Variants in ZFPM2 observed in about 807,000 individuals in gnomAD.
ZFPM2 encodes zinc finger protein ZFPM2.
ZFPM2 carries 20 observed loss-of-function variants against 98.6 expected under a neutral mutation model. The ratio of observed to expected loss-of-function variants is 0.20; its 90% CI spans 0.14 to 0.29. The LOEUF is 0.29. Among genes scored for constraint, ZFPM2 ranks in the 10% least tolerant of loss-of-function variants. The probability of loss-of-function intolerance (pLI) is 1.00; values close to 1 mark genes in which losing one functional copy is unlikely to be tolerated. For missense variants in ZFPM2, 1,310 were observed against 1,388.6 expected (o/e 0.94, Z 0.90); for synonymous variants, 518 against 502.7 (o/e 1.03, Z -0.41).
chr8:105,803,319 C>G lies in ZFPM2; in HGVS notation c.3237C>G (p.Ile1079Met), dbSNP rs757703965. 2 of 1,598,590 alleles carry G rather than the reference C, an allele frequency of 1.3e-6. No individual in the cohort carries two copies. The highest frequency in any genetic ancestry group is 1.7e-6 in the Non-Finnish European group (2 of 1,171,876). ...ACGACCACAAATCTCCCTCGTGGATCTCTGAGAACCCATTAGCTGCCAATG... is the reference window on the plus strand; with the variant it reads ...ACGACCACAAATCTCCCTCGTGGATGTCTGAGAACCCATTAGCTGCCAATG... Reference protein sequence around the residue: ...HEDDHKSPSWISENPLAANEN... With the variant: ...HEDDHKSPSWMSENPLAANEN... The change falls in exon 8 of 8, where the codon ATC becomes ATG. Residue 1079 changes from isoleucine to methionine, a missense_variant. Physicochemically the swap from Ile to Met is conservative, Grantham distance 10 (BLOSUM62 1). Coordinates refer to ENST00000407775, the MANE Select transcript of ZFPM2 (RefSeq NM_012082.4).
intron 4 of ZFPM2, among the ~76,000 whole-genome samples, chr8:105,617,530 G>A (rs1280437246): frequency 1.3e-5 from 2 of 152,184 alleles, no homozygotes; most frequent in Non-Finnish European, 2.9e-5. Context: ...AGGTTCTGAG[G>A]AGTGGGATAG....
intron 3 of ZFPM2, among the ~76,000 whole-genome samples, chr8:105,538,528 T>A (rs536278771): frequency 4.4e-4 from 67 of 152,288 alleles, no homozygotes; most frequent in African/African-American, 1.6e-3. Flanking sequence ...TTTAATATTA[T>A]ATTTAAATTG....
intron 5 of ZFPM2, among the ~76,000 whole-genome samples, chr8:105,666,956 C>T (rs1254124474): frequency 6.6e-6 from 1 of 152,144 alleles, no homozygotes; most frequent in Admixed American, 6.5e-5. Context: ...ACTTTTGTTT[C>T]ATATTAAAGC....
At chr8:105,625,828 C>G (rs1461916384) in intron 4 of ZFPM2, among the ~76,000 whole-genome samples, 1 of 151,970 alleles carries the variant, frequency 6.6e-6, no homozygotes, top group Non-Finnish European at 1.5e-5. Flanking sequence ...GGCGATCCAC[C>G]AACCTCAGTC....
intron 5 of ZFPM2, among the ~76,000 whole-genome samples, chr8:105,713,356 A>C (rs1380808204): frequency 2.0e-5 from 3 of 151,884 alleles, no homozygotes; most frequent in Non-Finnish European, 4.4e-5. Flanking sequence ...TCCTTTGCCC[A>C]CTTTTTAATA....
intron 4 of ZFPM2, among the ~76,000 whole-genome samples, chr8:105,587,997 A>G (rs1225194976): frequency 6.6e-6 from 1 of 152,198 alleles, no homozygotes; most frequent in Non-Finnish European, 1.5e-5. Flanking sequence ...ACACGAGCCC[A>G]CCACAGGGAA....
At chr8:105,678,604 C>G (rs562155029) in intron 5 of ZFPM2, 1 of 152,228 alleles carries the variant, frequency 6.6e-6, no homozygotes, top group South Asian at 2.1e-4. Context: ...GTCAGATAAG[C>G]TGCTGTGTAC....
chr8:105,531,602 G>T (rs1246283133), intron 3 of ZFPM2, among the ~76,000 whole-genome samples: 11 of 152,120 alleles, frequency 7.2e-5, no homozygotes, highest in Non-Finnish European at 1.5e-4. Context: ...GGTATTGAGA[G>T]TTAGGATTTC....
chr8:105,757,126 T>C (rs566318091), intron 5 of ZFPM2, among the ~76,000 whole-genome samples: 2 of 152,286 alleles, frequency 1.3e-5, no homozygotes, highest in Admixed American at 6.5e-5. Context: ...TGGGGAAATA[T>C]AGTCCAACCA....
At chr8:105,680,890 G>GA (rs535527838) in intron 5 of ZFPM2, among the ~76,000 whole-genome samples, 3 of 151,488 alleles carry the variant, frequency 2.0e-5, no homozygotes, top group South Asian at 2.1e-4. Context: ...TTGACTACAT[G>GA]AAAAAAAATC....
At chr8:105,716,551 C>CTTGAAT (rs1183366727) in intron 5 of ZFPM2, among the ~76,000 whole-genome samples, 4 of 152,110 alleles carry the variant, frequency 2.6e-5, no homozygotes, top group African/African-American at 9.6e-5. Context: ...AATAACTCCA[C>CTTGAAT]AGTGCCACTT....
chr8:105,653,684 C>G (rs73700110), intron 5 of ZFPM2, among the ~76,000 whole-genome samples: 76 of 152,158 alleles, frequency 5.0e-4, no homozygotes, highest in African/African-American at 1.8e-3. Context: ...GGGATAGAAA[C>G]AGTTAACCTT....
chr8:105,421,138 C>G (rs1217525963), intron 2 of ZFPM2, among the ~76,000 whole-genome samples: 1 of 151,974 alleles, frequency 6.6e-6, no homozygotes, highest in African/African-American at 2.4e-5. Flanking sequence ...TCCAGCTATA[C>G]TAATCAGAGT....
At chr8:105,566,662 C>T (rs1056777028) in intron 4 of ZFPM2, among the ~76,000 whole-genome samples, 2 of 152,130 alleles carry the variant, frequency 1.3e-5, no homozygotes, top group African/African-American at 2.4e-5. Flanking sequence ...ATGGCGTTTG[C>T]CCTCTCTTGC....
chr8:105,360,745 T>C (rs1053116711), intron 1 of ZFPM2, among the ~76,000 whole-genome samples: 1 of 146,668 alleles, frequency 6.8e-6, no homozygotes, highest in Admixed American at 6.8e-5. Context: ...GTTCTTGCGA[T>C]AGTTTACTGA....
At chr8:105,731,846 G>A (rs1321454149) in intron 5 of ZFPM2, among the ~76,000 whole-genome samples, 1 of 151,778 alleles carries the variant, frequency 6.6e-6, no homozygotes, top group African/African-American at 2.4e-5. Flanking sequence ...ATGAATAAGT[G>A]TTGCAACTAA....
At chr8:105,360,792 AG>A (rs1327222294) in intron 1 of ZFPM2, among the ~76,000 whole-genome samples, 1 of 141,462 alleles carries the variant, frequency 7.1e-6, no homozygotes, top group Non-Finnish European at 1.5e-5. Flanking sequence ...GTCCCTACAA[AG>A]GACATGAACT....
At chr8:105,471,650 G>A (rs1812905699) in intron 3 of ZFPM2, among the ~76,000 whole-genome samples, 1 of 152,152 alleles carries the variant, frequency 6.6e-6, no homozygotes, top group Admixed American at 6.5e-5. Flanking sequence ...TGAGTTGGAG[G>A]AGGTTGATGG....
At chr8:105,645,720 A>T (rs1209425499) in intron 5 of ZFPM2, among the ~76,000 whole-genome samples, 2 of 152,124 alleles carry the variant, frequency 1.3e-5, no homozygotes, top group Non-Finnish European at 2.9e-5. Flanking sequence ...ATGCTGATCG[A>T]GGTGGTGAAA....
Sources: allele counts gnomAD v4.1 joint callset (sites outside exome capture counted in the v4.1 genomes callset), GRCh38; gene constraint gnomAD v4.1.1; transcripts MANE v1.5; gene names NCBI Gene and HGNC (gene_info 2026-07-23, HGNC 2026-07-21).